Variants in NUS1 observed in about 807,000 individuals in gnomAD.
NUS1 encodes NUS1 dehydrodolichyl diphosphate synthase subunit, also known as dehydrodolichyl diphosphate synthase complex subunit NUS1.
For missense variants in NUS1, 292 were observed against 382.9 expected, an observed-to-expected ratio of 0.76 and a Z score of 1.98; for synonymous variants, 135 against 155.2, an observed-to-expected ratio of 0.87 and a Z score of 0.97.
At chr6:117,695,134 C>T (rs1241421173) in intron 3 of NUS1, among the ~76,000 whole-genome samples, 2 of 124,418 alleles carry the variant, frequency 1.6e-5, no homozygotes, top group Admixed American at 2.2e-4. Context: ...GCAGAGGTTG[C>T]AGTGAGCCAA....
chr6:117,682,594 A>G (rs1773077327), intron 1 of NUS1, among the ~76,000 whole-genome samples: 1 of 152,296 alleles, frequency 6.6e-6, no homozygotes, highest in Non-Finnish European at 1.5e-5. Flanking sequence ...CCCTGCCTCA[A>G]TCAATCAATC....
chr6:117,685,683 G>A (rs969604349), intron 1 of NUS1, among the ~76,000 whole-genome samples: 1 of 152,148 alleles, frequency 6.6e-6, no homozygotes, highest in South Asian at 2.1e-4. Context: ...ATTTCATATA[G>A]TTTACATTTG....
intron 4 of NUS1, 73 bp downstream of exon 4, chr6:117,703,777 C>T: frequency 1.0e-6 from 1 of 1,002,602 alleles, no homozygotes; most frequent in Non-Finnish European, 1.6e-6. Context: ...TGTACTAGAT[C>T]TGGTGGGGAT....
intron 1 of NUS1, among the ~76,000 whole-genome samples, chr6:117,688,007 A>G (rs1773164831): frequency 6.6e-6 from 1 of 152,172 alleles, no homozygotes; most frequent in Non-Finnish European, 1.5e-5. Flanking sequence ...CTTGAGGGCC[A>G]GGAGTTAGAG....
Position 117,710,132 on chromosome 6 carries a change from G to T in NUS1, c.*3117G>T, listed in dbSNP as rs1158422416. ...ACGTATATGTGTACTCTTTTAAAAA[G>T]GAATTTGATAGTTCTTGTCAAATGA... On this transcript the variant is annotated 3_prime_UTR_variant, in exon 5 of 5. Transcript: ENST00000368494. 1 of 152,072 alleles carries T rather than the reference G, an allele frequency of 6.6e-6. No individual in the cohort carries two copies. The highest frequency in any genetic ancestry group is 1.5e-5 in the Non-Finnish European group (1 of 67,954). 9.4% of individuals were successfully genotyped at this position (152,072 alleles called of 1,614,324 possible).
intron 1 of NUS1, 107 bp from the exon 2 acceptor site, chr6:117,692,935 T>C (rs1773262341): frequency 1.1e-6 from 1 of 890,054 alleles, no homozygotes; most frequent in South Asian, 1.7e-5. Flanking sequence ...ACAGCTTTGT[T>C]TGACATTCGT....
intron 1 of NUS1, among the ~76,000 whole-genome samples, chr6:117,683,782 C>A (rs944818735): frequency 1.3e-5 from 2 of 152,114 alleles, no homozygotes; most frequent in Admixed American, 6.5e-5. Context: ...TTAAAAGTCT[C>A]ATTTTATAGA....
At chr6:117,681,932 A>G (rs1773067821) in intron 1 of NUS1, among the ~76,000 whole-genome samples, 1 of 152,154 alleles carries the variant, frequency 6.6e-6, no homozygotes, top group Admixed American at 6.5e-5. Context: ...TCCGGGGTTC[A>G]AGCTATTCTC....
At chr6:117,686,454 C>A (rs2114682057) in intron 1 of NUS1, among the ~76,000 whole-genome samples, 1 of 152,254 alleles carries the variant, frequency 6.6e-6, no homozygotes, top group Non-Finnish European at 1.5e-5. Context: ...ACCTGGATTT[C>A]AGGCCAAATT....
At chr6:117,700,648 T>C (rs1773393241) in intron 3 of NUS1, among the ~76,000 whole-genome samples, 1 of 152,124 alleles carries the variant, frequency 6.6e-6, no homozygotes. Flanking sequence ...AAGAAAAGAA[T>C]ATGAACTCCT....
At chr6:117,695,846 C>A (rs1773310995) in intron 3 of NUS1, among the ~76,000 whole-genome samples, 1 of 151,968 alleles carries the variant, frequency 6.6e-6, no homozygotes. Flanking sequence ...TGTTTACTTA[C>A]CATATTTTTG....
chr6:117,702,858 A>G (rs141821199), intron 3 of NUS1, among the ~76,000 whole-genome samples: 3 of 152,316 alleles, frequency 2.0e-5, no homozygotes, highest in Admixed American at 6.5e-5. Flanking sequence ...GAGGATGTTA[A>G]CAACTATTGG....
In NUS1 at chr6:117,675,627, G is replaced by C. The variant is rs1342642452; in HGVS notation, c.-44G>C. 2.9e-6 allele frequency: 4 copies of C among 1,381,926 alleles called. No homozygotes were observed. The highest frequency in any genetic ancestry group is 3.0e-6 in the Non-Finnish European group (3 of 1,012,192). The allele number at this position is 1,381,926 out of a possible 1,614,324, so 85.6% of individuals were successfully genotyped here. On this transcript the variant is annotated 5_prime_UTR_variant, in exon 1 of 5. Coordinates refer to ENST00000368494, the MANE Select transcript of NUS1 (RefSeq NM_138459.5). ...GCGGATAAAAAGCCGTCGCGCTGCG[G>C]GAGTGGGCGGGAGGGAGAGGGGGTG...
chr6:117,694,870 TA>T (rs1268004075), intron 3 of NUS1, among the ~76,000 whole-genome samples: 1 of 152,114 alleles, frequency 6.6e-6, no homozygotes, highest in Non-Finnish European at 1.5e-5. Flanking sequence ...ATTCATTTTT[TA>T]TTACTTAGAC....
At chr6:117,693,984 C>T in intron 2 of NUS1, 47 bp from the exon 3 acceptor site, 1 of 1,577,298 alleles carries the variant, frequency 6.3e-7, no homozygotes, top group Admixed American at 1.8e-5. Flanking sequence ...TTGAAATATA[C>T]CTGGAAGAGA....
In NUS1 at chr6:117,709,653, G is replaced by A. The variant is rs975452957; in HGVS notation, c.*2638G>A. The stretch of plus-strand genomic sequence containing the variant: ...CCTGTGTGATGGTACCATGCATAGA[G>A]TCAATCAAATCCTTGTGATGTTTTG... On this transcript the variant is annotated 3_prime_UTR_variant, in exon 5 of 5. Coordinates refer to ENST00000368494, the MANE Select transcript of NUS1 (RefSeq NM_138459.5). 1 of 152,266 alleles carries A rather than the reference G, an allele frequency of 6.6e-6. No homozygotes were observed. Among genetic ancestry groups the A allele is most frequent in the African/African-American group, 2.4e-5 (1 of 41,328 alleles). 9.4% of individuals were successfully genotyped at this position (152,266 alleles called of 1,614,324 possible). A position where few individuals can be genotyped will look rare whatever the true frequency, so the allele number is the denominator to read the frequency against.
chr6:117,702,654 G>A (rs903319330), intron 3 of NUS1, among the ~76,000 whole-genome samples: 1 of 152,062 alleles, frequency 6.6e-6, no homozygotes, highest in Non-Finnish European at 1.5e-5. Context: ...TGCTTCTTAG[G>A]TAATACAGGA....
At chr6:117,685,571 C>A (rs1459910360) in intron 1 of NUS1, among the ~76,000 whole-genome samples, 1 of 151,982 alleles carries the variant, frequency 6.6e-6, no homozygotes, top group Non-Finnish European at 1.5e-5. Flanking sequence ...AGGCTGGTGT[C>A]AAATTCCTGA....
intron 4 of NUS1, among the ~76,000 whole-genome samples, chr6:117,704,727 C>A (rs34080821): frequency 6.6e-6 from 1 of 151,884 alleles, no homozygotes; most frequent in Admixed American, 6.6e-5. Context: ...TTACTAATTG[C>A]GATAAAATTA....
Sources: allele counts gnomAD v4.1 joint callset (sites outside exome capture counted in the v4.1 genomes callset), GRCh38; gene constraint gnomAD v4.1.1; transcripts MANE v1.5; gene names NCBI Gene and HGNC (gene_info 2026-07-23, HGNC 2026-07-21).